Variants in CALN1 observed in about 807,000 individuals in gnomAD.
CALN1 encodes calcium-binding protein 8.
Under a neutral mutation model 30.6 loss-of-function variants are expected in CALN1, and 17 were observed. The ratio of observed to expected loss-of-function variants is 0.56; its 90% confidence interval spans 0.38 to 0.83. CALN1 has a LOEUF of 0.83. Among genes scored for constraint, CALN1 ranks in the 40% least tolerant of loss-of-function variants. The pLI is 0.00. For missense variants in CALN1, 291 were observed against 354.9 expected (o/e 0.82, Z 1.45); for synonymous variants, 156 against 131.4 (o/e 1.19, Z -1.28).
chr7:72,253,030 A>G (rs1795673110), intron 3 of CALN1, among the ~76,000 whole-genome samples: 1 of 152,150 alleles, frequency 6.6e-6, no homozygotes, highest in East Asian at 1.9e-4. Flanking sequence ...AGGGTCAGAG[A>G]AGGTCAAGGC....
At chr7:72,127,109 TTG>T (rs1287255358) in intron 3 of CALN1, among the ~76,000 whole-genome samples, 1 of 151,548 alleles carries the variant, frequency 6.6e-6, no homozygotes, top group African/African-American at 2.4e-5. Context: ...ATCCAGCAGA[TTG>T]CTGGATGGAA....
rs540132790 is a variant in CALN1 at position 71,981,480 on chromosome 7, A to G, written c.501+42177T>C. ...CTGAGGTCAAGAGTTTGAGACCAGC[A>G]TGGTGAAACTCTGCCTCTACTAAAA... On this transcript the variant is annotated intron_variant, in intron 5 of 6. Coordinates refer to ENST00000395275, the MANE Select transcript of CALN1 (RefSeq NM_031468.4). Among the ~76,000 whole-genome samples, 11 of 152,194 alleles carry G rather than the reference A, an allele frequency of 7.2e-5. No individual in the cohort carries two copies. In the East Asian group the frequency reaches 1.7e-3, roughly 24 times the overall value.
chr7:72,492,280 C>T, the CALN1 span, among the ~76,000 whole-genome samples: 7 of 152,212 alleles, frequency 4.6e-5, no homozygotes, highest in Non-Finnish European at 1.0e-4. Context: ...CCATATAAGA[C>T]TCAATCTATT....
At chr7:72,499,802 CTT>C in the CALN1 span, among the ~76,000 whole-genome samples, 1 of 54,532 alleles carries the variant, frequency 1.8e-5, no homozygotes, top group African/African-American at 1.1e-4. Context: ...TCCTTCCTTC[CTT>C]CCTTCCTTCC....
intron 6 of CALN1, among the ~76,000 whole-genome samples, chr7:71,790,783 C>T (rs1180052182): frequency 1.3e-5 from 2 of 152,150 alleles, no homozygotes; most frequent in South Asian, 2.1e-4. Context: ...GCTCTCCAGG[C>T]AATTAAGCAA....
At chr7:72,480,814 CA>C in the CALN1 span, among the ~76,000 whole-genome samples, 22 of 145,536 alleles carry the variant, frequency 1.5e-4, no homozygotes, top group East Asian at 2.0e-4. Flanking sequence ...ATTCATTGGC[CA>C]AAAAAAAAAA....
At chr7:72,456,618 G>A in the CALN1 span, among the ~76,000 whole-genome samples, 11 of 152,222 alleles carry the variant, frequency 7.2e-5, no homozygotes, top group East Asian at 5.8e-4. Context: ...TTGGAAGGCC[G>A]AGGCTGGCAG....
At chr7:72,395,725 G>C (rs533977335) in intron 2 of CALN1, among the ~76,000 whole-genome samples, 2 of 152,240 alleles carry the variant, frequency 1.3e-5, no homozygotes, top group Admixed American at 1.3e-4. Flanking sequence ...AAGATCATTT[G>C]AAACTCCCAT....
chr7:72,305,032 C>A lies in CALN1; in HGVS notation c.120-26222G>T, dbSNP rs980068099. Among the ~76,000 whole-genome samples the A allele has an allele frequency of 2.6e-5, 4 of 152,310 alleles. No individual in the cohort carries two copies. The East Asian group carries it at 5.8e-4, about 22-fold the overall frequency. ...TGCCTGATGGCCACGGCTACAGTGA[C>A]CTGCAGCCTCGCATGTGACCTGCTG... On this transcript the variant is annotated intron_variant, in intron 2 of 6. Transcript: ENST00000395275.
intron 2 of CALN1, among the ~76,000 whole-genome samples, chr7:72,299,610 G>A (rs959925069): frequency 1.4e-5 from 2 of 144,980 alleles, no homozygotes; most frequent in Non-Finnish European, 1.5e-5. Flanking sequence ...GAAAGACAAA[G>A]AATTAATAAA....
intron 3 of CALN1, among the ~76,000 whole-genome samples, chr7:72,270,552 A>G (rs983838032): frequency 2.0e-5 from 3 of 152,184 alleles, no homozygotes; most frequent in African/African-American, 7.2e-5. Context: ...TGGGAGGATT[A>G]CATGAGCCCT....
intron 2 of CALN1, among the ~76,000 whole-genome samples, chr7:72,366,925 G>A (rs897974184): frequency 6.6e-6 from 1 of 151,804 alleles, no homozygotes; most frequent in Non-Finnish European, 1.5e-5. Flanking sequence ...CCACACAAAA[G>A]CCCATCAACA....
chr7:71,942,421 G>C (rs948773301), intron 5 of CALN1: 3 of 170,800 alleles, frequency 1.8e-5, no homozygotes, highest in African/African-American at 7.2e-5. Flanking sequence ...TGAGGGGGAC[G>C]TGCTCACCCT....
chr7:72,287,591 C>T (rs1213596646), intron 2 of CALN1, among the ~76,000 whole-genome samples: 4 of 151,704 alleles, frequency 2.6e-5, no homozygotes, highest in Admixed American at 1.3e-4. Context: ...GGACTACTGG[C>T]GCCCGCCACG....
chr7:71,953,576 C>G (rs1796806174), intron 5 of CALN1, among the ~76,000 whole-genome samples: 2 of 152,104 alleles, frequency 1.3e-5, no homozygotes, highest in Non-Finnish European at 2.9e-5. Flanking sequence ...TTCTAAGGTG[C>G]TTTCACGCCT....
chr7:72,495,577 C>A, the CALN1 span, among the ~76,000 whole-genome samples: 1 of 152,170 alleles, frequency 6.6e-6, no homozygotes. Context: ...AGCAAAAGAC[C>A]CCTAAGCCTG....
chr7:71,828,891 G>T (rs1016207446), intron 5 of CALN1, among the ~76,000 whole-genome samples: 2 of 151,860 alleles, frequency 1.3e-5, no homozygotes, highest in African/African-American at 4.8e-5. Flanking sequence ...TGGGATTACA[G>T]GCACACACCA....
At position 71,785,054 on chromosome 7, in the gene CALN1, C is replaced by A. The variant is rs992781782; in HGVS notation, c.*2721G>T. 2 of 394,064 alleles carry A rather than the reference C, an allele frequency of 5.1e-6. No individual in the cohort carries two copies. The highest frequency in any genetic ancestry group is 2.9e-4 in the South Asian group (2 of 7,004). The allele number at this position is 394,064 out of a possible 1,614,324, so 24.4% of individuals were successfully genotyped here. On this transcript the variant is annotated 3_prime_UTR_variant, in exon 7 of 7. Transcript: ENST00000395275. ...CTGAGCTCCTGAAGTCTAAGGAATG[C>A]CGCTAGCTCAGGGCCGTCTCCACGC...
intron 3 of CALN1, among the ~76,000 whole-genome samples, chr7:72,110,047 C>G (rs1807453182): frequency 6.6e-6 from 1 of 152,192 alleles, no homozygotes; most frequent in African/African-American, 2.4e-5. Flanking sequence ...CCGGAAGGCT[C>G]CTTCCCAAGG....
Sources: gnomAD v4.1 joint callset for allele counts (sites outside exome capture counted in the v4.1 genomes callset) on GRCh38, gnomAD v4.1.1 for gene constraint, MANE v1.5 for transcripts, NCBI Gene and HGNC (gene_info 2026-07-23, HGNC 2026-07-21) for gene names.